Variants in CSMD1 observed in about 807,000 individuals in gnomAD.
CSMD1 encodes the protein CUB and sushi domain-containing protein 1.
A neutral mutation model predicts 417.5 loss-of-function variants in CSMD1; 213 were observed. That is an observed-to-expected ratio of 0.51 (90% CI 0.46 to 0.57). The LOEUF (loss-of-function observed/expected upper bound fraction) is 0.57. Among genes scored for constraint, CSMD1 ranks in the 20% least tolerant of loss-of-function variants. The pLI is 0.00. For synonymous variants in CSMD1, 2,862 were observed against 1,736.8 expected, an observed-to-expected ratio of 1.65 and a Z score of -16.11; for missense variants, 6,923 against 4,529.7, an observed-to-expected ratio of 1.53 and a Z score of -15.17.
intron 18 of CSMD1, chr8:3,373,564 A>G (rs1810111119): frequency 6.6e-6 from 1 of 152,210 alleles, no homozygotes; most frequent in African/African-American, 2.4e-5. Flanking sequence ...GAGATGAGAG[A>G]ATGAAATGAA....
At chr8:3,908,267 T>C (rs1474902238) in intron 5 of CSMD1, among the ~76,000 whole-genome samples, 1 of 149,954 alleles carries the variant, frequency 6.7e-6, no homozygotes, top group Non-Finnish European at 1.5e-5. Context: ...CTGAGTCAGG[T>C]TCATCAAGAA....
At chr8:4,940,455 C>G (rs980744919) in intron 1 of CSMD1, among the ~76,000 whole-genome samples, 29 of 152,072 alleles carry the variant, frequency 1.9e-4, no homozygotes, top group African/African-American at 6.8e-4. Context: ...TATAAATATA[C>G]AAGAGTTGGG....
In CSMD1 at chr8:3,256,966, G is replaced by C. The variant is rs115718532; in HGVS notation, c.4154-26735C>G. Among the ~76,000 whole-genome samples, 329 of 152,268 alleles carry C rather than the reference G, an allele frequency of 2.2e-3. 2 individuals are homozygous for C. The highest frequency in any genetic ancestry group is 7.6e-3 in the African/African-American group (316 of 41,556). On this transcript the variant is annotated intron_variant, in intron 26 of 69. Transcript: ENST00000635120. Reference sequence around the variant, plus strand: ...TCTAAAACTCAGTAAATTGAGAAGAGAAAATAAAATATTTGTAAGAGAATT... The same window carrying C: ...TCTAAAACTCAGTAAATTGAGAAGACAAAATAAAATATTTGTAAGAGAATT...
chr8:4,648,991 C>T (rs1803711643), intron 1 of CSMD1, among the ~76,000 whole-genome samples: 1 of 152,154 alleles, frequency 6.6e-6, no homozygotes, highest in Admixed American at 6.5e-5. Flanking sequence ...GTAGTGCCTT[C>T]AATAAACATA....
At position 4,390,280 on chromosome 8, in the gene CSMD1, A is replaced by T. The variant is rs1398128162; in HGVS notation, c.415+29673T>A. ...AACCAACTACTTTTTTAAAACTGTC[A>T]CGAGGAGCAATCAAGTTATCTCTTA... On this transcript the variant is annotated intron_variant, in intron 3 of 69. Coordinates refer to ENST00000635120, the MANE Select transcript of CSMD1 (RefSeq NM_033225.6). Among the ~76,000 whole-genome samples, 3 of 152,222 alleles carry T rather than the reference A, an allele frequency of 2.0e-5. No individual in the cohort carries two copies. The East Asian group carries it at 5.8e-4, about 29-fold the overall frequency.
chr8:4,196,164 T>C (rs1448409174), intron 3 of CSMD1, among the ~76,000 whole-genome samples: 1 of 152,046 alleles, frequency 6.6e-6, no homozygotes, highest in East Asian at 1.9e-4. Flanking sequence ...GGAGCCGAGA[T>C]CGCGCCACTG....
At chr8:3,254,928 T>C (rs1207186950) in intron 26 of CSMD1, among the ~76,000 whole-genome samples, 1 of 152,190 alleles carries the variant, frequency 6.6e-6, no homozygotes, top group Non-Finnish European at 1.5e-5. Flanking sequence ...CTGATTTCCT[T>C]TGGAGGAGGA....
chr8:3,405,517 C>G (rs1164591005), intron 15 of CSMD1, among the ~76,000 whole-genome samples: 1 of 152,190 alleles, frequency 6.6e-6, no homozygotes, highest in Non-Finnish European at 1.5e-5. Context: ...AAAAATCATA[C>G]ATTGAGGTCC....
At chr8:4,159,007 C>G (rs1456189194) in intron 3 of CSMD1, among the ~76,000 whole-genome samples, 2 of 152,128 alleles carry the variant, frequency 1.3e-5, no homozygotes, top group African/African-American at 4.8e-5. Flanking sequence ...CCTTCACCTC[C>G]CAGATTCAAG....
At chr8:4,140,588 A>G (rs1803726785) in intron 3 of CSMD1, among the ~76,000 whole-genome samples, 1 of 150,986 alleles carries the variant, frequency 6.6e-6, no homozygotes. Flanking sequence ...AGACTGCTTG[A>G]ACCCAAGAGG....
intron 4 of CSMD1, among the ~76,000 whole-genome samples, chr8:4,015,810 C>G (rs531670929): frequency 6.6e-6 from 1 of 152,114 alleles, no homozygotes; most frequent in South Asian, 2.1e-4. Flanking sequence ...GGTGAAACTT[C>G]ATTCACTAAG....
At chr8:4,256,016 A>G (rs1803432564) in intron 3 of CSMD1, among the ~76,000 whole-genome samples, 1 of 152,182 alleles carries the variant, frequency 6.6e-6, no homozygotes, top group Admixed American at 6.5e-5. Flanking sequence ...TCTCATAAAT[A>G]CAGCATGGAA....
intron 12 of CSMD1, among the ~76,000 whole-genome samples, chr8:3,415,157 T>C (rs1434602906): frequency 1.3e-5 from 2 of 152,226 alleles, no homozygotes; most frequent in African/African-American, 2.4e-5. Context: ...ATTGTATATA[T>C]TGTTCATCTA....
intron 2 of CSMD1, among the ~76,000 whole-genome samples, chr8:4,445,188 G>C (rs149461212): frequency 1.4e-4 from 22 of 152,012 alleles, no homozygotes; most frequent in African/African-American, 5.3e-4. Flanking sequence ...TTTTTTTAAT[G>C]TGCAGAATCC....
intron 3 of CSMD1, among the ~76,000 whole-genome samples, chr8:4,100,822 A>T (rs1473323523): frequency 6.6e-6 from 1 of 152,244 alleles, no homozygotes; most frequent in Admixed American, 6.5e-5. Flanking sequence ...AAAGTTAAAC[A>T]TGTATAAACT....
At chr8:3,925,609 G>C (rs6983347) in intron 5 of CSMD1, among the ~76,000 whole-genome samples, 2 of 151,882 alleles carry the variant, frequency 1.3e-5, no homozygotes, top group African/African-American at 2.4e-5. Context: ...TACTATTCTC[G>C]CAACAGTGAA....
At chr8:3,758,616 A>C (rs1797808587) in intron 5 of CSMD1, among the ~76,000 whole-genome samples, 1 of 152,210 alleles carries the variant, frequency 6.6e-6, no homozygotes, top group Non-Finnish European at 1.5e-5. Flanking sequence ...ATTACTGTAC[A>C]AATTAGGTGA....
intron 11 of CSMD1, among the ~76,000 whole-genome samples, chr8:3,489,074 C>T (rs181898919): frequency 7.2e-5 from 11 of 152,278 alleles, no homozygotes; most frequent in Admixed American, 3.3e-4. Flanking sequence ...CAAATACACA[C>T]GTCTGTGCAT....
At chr8:2,939,597 C>A (rs599016) in intron 69 of CSMD1, among the ~76,000 whole-genome samples, 110,951 of 152,140 alleles carry the variant, frequency 0.73, 40,666 homozygotes, top group East Asian at 0.88. Flanking sequence ...CGTGGCAAAA[C>A]CAGAAATTTA....
Sources: allele counts gnomAD v4.1 joint callset (sites outside exome capture counted in the v4.1 genomes callset), GRCh38; gene constraint gnomAD v4.1.1; transcripts MANE v1.5; gene names NCBI Gene and HGNC (gene_info 2026-07-23, HGNC 2026-07-21).